The following RAD54B variants were observed in gnomAD, a reference collection of about 807,000 sequenced individuals.
RAD54B encodes the protein DNA repair and recombination protein RAD54B.
Under a neutral mutation model 95.8 loss-of-function variants are expected in RAD54B, and 78 were observed. That is an observed-to-expected ratio of 0.81 (90% CI 0.68 to 0.98). RAD54B has a LOEUF of 0.98. RAD54B is among the 50% of genes least tolerant of loss of function. The pLI, the probability that RAD54B is intolerant of heterozygous loss-of-function variation, is 0.00. For missense variants in RAD54B, 957 were observed against 1,056.6 expected (o/e 0.91, Z 1.31); for synonymous variants, 328 against 354.9 (o/e 0.92, Z 0.85).
At chr8:94,467,372 A>G in intron 2 of RAD54B, 33 bp downstream of exon 2, 2 of 1,545,478 alleles carry the variant, frequency 1.3e-6, no homozygotes, top group Non-Finnish European at 1.8e-6. Flanking sequence ...GCTTCTCTAT[A>G]TTATCTATAT....
At chr8:94,415,676 A>C (rs1249313375) in intron 3 of RAD54B, among the ~76,000 whole-genome samples, 1 of 146,978 alleles carries the variant, frequency 6.8e-6, no homozygotes, top group African/African-American at 2.5e-5. Context: ...TACAAGAAAA[A>C]AACAAACAAC....
At chr8:94,377,818 T>C (rs1472383077) in intron 14 of RAD54B, among the ~76,000 whole-genome samples, 3 of 123,972 alleles carry the variant, frequency 2.4e-5, no homozygotes, top group Non-Finnish European at 5.4e-5. Flanking sequence ...CTACTAAAAA[T>C]ACAAAAAATT....
intron 1 of RAD54B, among the ~76,000 whole-genome samples, chr8:94,472,458 T>G (rs1287037834): frequency 1.3e-5 from 2 of 152,192 alleles, no homozygotes; most frequent in Non-Finnish European, 2.9e-5. Context: ...AAACTAAAGA[T>G]TTTAGTGACT....
At chr8:94,374,133 G>T (rs928748157) in intron 14 of RAD54B, among the ~76,000 whole-genome samples, 8 of 152,118 alleles carry the variant, frequency 5.3e-5, no homozygotes, top group African/African-American at 1.9e-4. Context: ...CAAAAAATTA[G>T]CCAGACGTGG....
chr8:94,378,221 T>C lies in RAD54B; in HGVS notation c.2474A>G (p.Asp825Gly), dbSNP rs1049683331. 1.7e-5 allele frequency: 27 copies of C among 1,612,672 alleles called. No individual in the cohort carries two copies. The highest frequency in any genetic ancestry group is 2.1e-5 in the Non-Finnish European group (25 of 1,179,592). Reference sequence around the variant, plus strand: ...TCCTGTACACTCACAGTCAAGCAGATCATGAGTAACACAATCTGAACTTTC... The same window carrying C: ...TCCTGTACACTCACAGTCAAGCAGACCATGAGTAACACAATCTGAACTTTC... Reference protein sequence around the residue: ...LHESSDCVTHDLLDCECTGEE... With the variant: ...LHESSDCVTHGLLDCECTGEE... Residue 825 changes from aspartate (D) to glycine (G), a missense_variant, in exon 14 of 15, where the codon GAT (aspartate) becomes GGT (glycine). Asp to Gly is a moderately conservative substitution (Grantham distance 94). Transcript: ENST00000336148.
At chr8:94,465,688 C>CA (rs1034497410) in intron 2 of RAD54B, among the ~76,000 whole-genome samples, 16 of 152,238 alleles carry the variant, frequency 1.1e-4, no homozygotes, top group African/African-American at 3.9e-4. Context: ...AACAGGAACA[C>CA]AAACAGAAAC....
chr8:94,447,598 A>C (rs1388689153), intron 3 of RAD54B, among the ~76,000 whole-genome samples: 1 of 152,216 alleles, frequency 6.6e-6, no homozygotes, highest in Non-Finnish European at 1.5e-5. Context: ...TACACTGAGG[A>C]TTCTCAGAAA....
At chr8:94,422,335 C>A (rs1811823749) in intron 3 of RAD54B, among the ~76,000 whole-genome samples, 1 of 151,118 alleles carries the variant, frequency 6.6e-6, no homozygotes, top group Non-Finnish European at 1.5e-5. Flanking sequence ...ACCTGTAATC[C>A]CAGCACTTTG....
At chr8:94,395,018 A>G (rs1586133319) in intron 8 of RAD54B, among the ~76,000 whole-genome samples, 2 of 152,186 alleles carry the variant, frequency 1.3e-5, no homozygotes, top group East Asian at 3.8e-4. Context: ...TTATGTTGGT[A>G]TATATTCAGT....
intron 3 of RAD54B, chr8:94,428,626 C>T (rs1027316621): frequency 9.7e-5 from 64 of 659,058 alleles, no homozygotes; most frequent in Admixed American, 2.5e-4. Context: ...TTTTAAATTT[C>T]GTATTACTTT....
chr8:94,405,697 TA>T (rs1184586472), intron 5 of RAD54B, among the ~76,000 whole-genome samples: 1 of 152,052 alleles, frequency 6.6e-6, no homozygotes, highest in African/African-American at 2.4e-5. Context: ...TTCTATCTTT[TA>T]AAAAGGACAA....
chr8:94,415,495 AC>A (rs1373322047), intron 3 of RAD54B, among the ~76,000 whole-genome samples: 7 of 147,812 alleles, frequency 4.7e-5, no homozygotes, highest in Non-Finnish European at 7.5e-5. Flanking sequence ...AGCAATGGCA[AC>A]AAAAGCCAAA....
intron 11 of RAD54B, among the ~76,000 whole-genome samples, chr8:94,384,593 T>G (rs1334565761): frequency 6.6e-6 from 1 of 152,184 alleles, no homozygotes; most frequent in African/African-American, 2.4e-5. Flanking sequence ...TGAACATTGG[T>G]TGCACCAGGA....
intron 1 of RAD54B, among the ~76,000 whole-genome samples, chr8:94,472,241 A>G (rs1405181441): frequency 2.0e-5 from 3 of 152,328 alleles, no homozygotes; most frequent in South Asian, 4.1e-4. Flanking sequence ...AATTCTGACC[A>G]AACAAGTCAT....
intron 3 of RAD54B, among the ~76,000 whole-genome samples, chr8:94,442,323 C>T (rs1486226189): frequency 6.6e-6 from 1 of 150,978 alleles, no homozygotes; most frequent in African/African-American, 2.4e-5. Context: ...CCTGTAATCC[C>T]AGCACTTTGG....
At chr8:94,417,430 C>T (rs964381681) in intron 3 of RAD54B, among the ~76,000 whole-genome samples, 4 of 149,886 alleles carry the variant, frequency 2.7e-5, no homozygotes, top group African/African-American at 7.4e-5. Context: ...CTGTTTAAAA[C>T]ACACACACAC....
At chr8:94,463,926 AAAG>A (rs1812964799) in intron 2 of RAD54B, among the ~76,000 whole-genome samples, 1 of 151,388 alleles carries the variant, frequency 6.6e-6, no homozygotes, top group Non-Finnish European at 1.5e-5. Context: ...AAGAAAGAAA[AAAG>A]AGAGAAACGA....
chr8:94,466,706 C>T (rs1813033717), intron 2 of RAD54B, among the ~76,000 whole-genome samples: 1 of 152,026 alleles, frequency 6.6e-6, no homozygotes, highest in South Asian at 2.1e-4. Context: ...TGCACCCAGC[C>T]AGTATTCACT....
At chr8:94,458,561 G>C in intron 2 of RAD54B, 125 bp from the exon 3 acceptor site, 1 of 687,530 alleles carries the variant, frequency 1.5e-6, no homozygotes, top group Non-Finnish European at 2.2e-6. Flanking sequence ...ACTAGAACTA[G>C]ATATTTAAAA....
Sources: allele counts gnomAD v4.1 joint callset (sites outside exome capture counted in the v4.1 genomes callset), GRCh38; gene constraint gnomAD v4.1.1; transcripts MANE v1.5; gene names NCBI Gene and HGNC (gene_info 2026-07-23, HGNC 2026-07-21).